Variants in TCAIM observed in about 807,000 individuals in gnomAD.
TCAIM encodes the protein T-cell activation inhibitor, mitochondrial.
Under a neutral mutation model 58.6 loss-of-function variants are expected in TCAIM, and 36 were observed. The observed-to-expected ratio is 0.61, with a 90% confidence interval of 0.47 to 0.81. TCAIM has a LOEUF of 0.81. Among genes scored for constraint, TCAIM ranks in the 30% least tolerant of loss-of-function variants. The pLI, the probability that TCAIM is intolerant of heterozygous loss-of-function variation, is 0.00. For missense variants in TCAIM, 466 were observed against 579.6 expected (o/e 0.80, Z 2.01); for synonymous variants, 172 against 193.6 (o/e 0.89, Z 0.93).
At chr3:44,401,075 T>C in intron 9 of TCAIM, 128 bp from the exon 10 acceptor site, 2 of 1,343,456 alleles carry the variant, frequency 1.5e-6, no homozygotes, top group Non-Finnish European at 2.0e-6. Context: ...AAGTCAATGT[T>C]GCTGTACTTT....
At chr3:44,388,943 C>T (rs1283787585) in intron 5 of TCAIM, among the ~76,000 whole-genome samples, 1 of 152,204 alleles carries the variant, frequency 6.6e-6, no homozygotes, top group East Asian at 1.9e-4. Context: ...TACATGCGCT[C>T]AGTTACTACT....
intron 5 of TCAIM, among the ~76,000 whole-genome samples, chr3:44,384,532 A>T (rs1701703818): frequency 6.6e-6 from 1 of 152,202 alleles, no homozygotes; most frequent in Non-Finnish European, 1.5e-5. Context: ...ACAGGCTGTG[A>T]TTGGTCCCAA....
chr3:44,369,571 T>C (rs1457022664), intron 5 of TCAIM, among the ~76,000 whole-genome samples: 1 of 152,202 alleles, frequency 6.6e-6, no homozygotes, highest in Non-Finnish European at 1.5e-5. Flanking sequence ...TGAAAATACA[T>C]TGAAACTATA....
rs1702019235 is a variant in TCAIM, at chr3:44,401,318, A to G, written c.1234A>G (p.Met412Val). 3.1e-6 allele frequency: 5 copies of G among 1,614,022 alleles called. No homozygotes were observed. The highest frequency in any genetic ancestry group is 4.2e-6 in the Non-Finnish European group (5 of 1,179,962). Residue 412 changes from methionine (M) to valine (V), a missense_variant, in exon 10 of 11, where the codon ATG becomes GTG. Coordinates refer to ENST00000342649, the MANE Select transcript of TCAIM (RefSeq NM_173826.4). ...LTKAQQAREN[M>V]KRKEELKVIE... ...CAAAGCTCAGCAGGCAAGAGAGAAC[A>G]TGAAAAGAAAGGAAGAGTAAGTACT...
At chr3:44,370,083 ATTC>A (rs5848696) in intron 5 of TCAIM, among the ~76,000 whole-genome samples, 74,438 of 151,750 alleles carry the variant, frequency 0.49, 19,392 homozygotes, top group East Asian at 0.8. Context: ...GTTGCTGTGA[ATTC>A]TTGATTTCCT....
chr3:44,356,314 G>A (rs1034968958), intron 2 of TCAIM, among the ~76,000 whole-genome samples: 1 of 152,146 alleles, frequency 6.6e-6, no homozygotes, highest in Non-Finnish European at 1.5e-5. Flanking sequence ...AGCCTTTGAG[G>A]TCAGGAGTTC....
chr3:44,372,077 G>C (rs7627186), intron 5 of TCAIM, among the ~76,000 whole-genome samples: 94,865 of 146,056 alleles, frequency 0.65, 31,826 homozygotes, highest in South Asian at 0.79. Flanking sequence ...AAGGAAGGAA[G>C]ATACAGTATT....
intron 2 of TCAIM, among the ~76,000 whole-genome samples, chr3:44,356,707 T>C (rs1701198362): frequency 1.3e-5 from 2 of 151,688 alleles, no homozygotes; most frequent in Admixed American, 1.3e-4. Flanking sequence ...GGCTCATGCC[T>C]GCAATCCCAG....
At chr3:44,391,021 C>T (rs1701825649) in intron 5 of TCAIM, among the ~76,000 whole-genome samples, 1 of 152,148 alleles carries the variant, frequency 6.6e-6, no homozygotes, top group Admixed American at 6.5e-5. Context: ...ACTCATTTCT[C>T]TGGACTTCCC....
intron 10 of TCAIM, among the ~76,000 whole-genome samples, chr3:44,407,212 T>G (rs1702114118): frequency 6.6e-6 from 1 of 152,198 alleles, no homozygotes. Context: ...GCTAAAAACA[T>G]TAACAAATAC....
At chr3:44,373,273 G>A (rs1444605163) in intron 5 of TCAIM, among the ~76,000 whole-genome samples, 2 of 152,024 alleles carry the variant, frequency 1.3e-5, no homozygotes, top group East Asian at 1.9e-4. Context: ...ACATTTTAAT[G>A]TATATTTTAA....
In TCAIM at chr3:44,372,064, A is replaced by AGGAAGGAAGGAAGGAAGGAG. The variant is rs765363531; in HGVS notation, c.572+4369_572+4370insGAAGGAGGGAAGGAAGGAAG. On this transcript the variant is annotated intron_variant, in intron 5 of 10. Transcript: ENST00000342649. ...AAGGAAGGAAGGAAGGAAGGAAGGAAGGAAGGAAGGAAGATACAGTATTAG... is the reference window on the plus strand; with the variant it reads ...AAGGAAGGAAGGAAGGAAGGAAGGAAGGAAGGAAGGAAGGAAGGAGGGAAGGAAGGAAGATACAGTATTAG... Among the ~76,000 whole-genome samples, 159 of 146,084 alleles carry AGGAAGGAAGGAAGGAAGGAG rather than the reference A, an allele frequency of 1.1e-3. 3 individuals carry two copies. Among genetic ancestry groups the AGGAAGGAAGGAAGGAAGGAG allele is most frequent in the African/African-American group, 3.2e-3 (122 of 38,470 alleles).
chr3:44,382,196 T>C (rs76695824), intron 5 of TCAIM, among the ~76,000 whole-genome samples: 179 of 152,292 alleles, frequency 1.2e-3, no homozygotes, highest in African/African-American at 4.0e-3. Flanking sequence ...GCTGGAGAAC[T>C]CACATTTCCT....
intron 1 of TCAIM, among the ~76,000 whole-genome samples, chr3:44,343,965 T>G (rs939189100): frequency 1.3e-5 from 2 of 151,776 alleles, no homozygotes; most frequent in Admixed American, 1.3e-4. Flanking sequence ...TCTGGATAAC[T>G]AAAGACCTTG....
chr3:44,377,788 A>G (rs1701589731), intron 5 of TCAIM, among the ~76,000 whole-genome samples: 1 of 152,220 alleles, frequency 6.6e-6, no homozygotes, highest in Non-Finnish European at 1.5e-5. Context: ...GATACCATGT[A>G]CCACATAAAT....
intron 4 of TCAIM, among the ~76,000 whole-genome samples, chr3:44,365,556 G>A (rs1040727745): frequency 6.6e-6 from 1 of 152,106 alleles, no homozygotes; most frequent in Non-Finnish European, 1.5e-5. Flanking sequence ...TCCAACTCCT[G>A]GCCTCAAGTG....
intron 4 of TCAIM, 58 bp downstream of exon 4, chr3:44,361,576 A>G: frequency 1.4e-6 from 2 of 1,396,730 alleles, no homozygotes; most frequent in Non-Finnish European, 1.9e-6. Context: ...GTGTTCATTA[A>G]TTTTGACATT....
intron 1 of TCAIM, among the ~76,000 whole-genome samples, chr3:44,351,860 C>T (rs1701097887): frequency 6.6e-6 from 1 of 152,098 alleles, no homozygotes; most frequent in Non-Finnish European, 1.5e-5. Context: ...CTTGCCACAT[C>T]AGTCAACCTG....
chr3:44,396,502 A>G lies in TCAIM; in HGVS notation c.793+5A>G. On this transcript the variant is annotated splice_donor_5th_base_variant and intron_variant, in intron 7 of 10. Coordinates refer to ENST00000342649, the MANE Select transcript of TCAIM (RefSeq NM_173826.4). Reference sequence around the variant, plus strand: ...AAACACTTAAAAAAGCAAAAGGTAAACATTTTCCATTTTCTTTTAAAAAAT... The same window carrying G: ...AAACACTTAAAAAAGCAAAAGGTAAGCATTTTCCATTTTCTTTTAAAAAAT... The G allele has an allele frequency of 6.2e-7, 1 of 1,610,278 alleles. No homozygotes were observed. The highest frequency in any genetic ancestry group is 8.5e-7 in the Non-Finnish European group (1 of 1,178,780).
Sources: gnomAD v4.1 joint callset for allele counts (sites outside exome capture counted in the v4.1 genomes callset) on GRCh38, gnomAD v4.1.1 for gene constraint, MANE v1.5 for transcripts, NCBI Gene and HGNC (gene_info 2026-07-23, HGNC 2026-07-21) for gene names.